The following CADPS variants were observed in gnomAD, a reference collection of about 807,000 sequenced individuals.
CADPS encodes the protein calcium dependent secretion activator, also known as calcium-dependent secretion activator 1.
In CADPS, 57 loss-of-function variants were observed where a neutral mutation model predicts 167.3. That is an observed-to-expected ratio of 0.34 (90% CI 0.28 to 0.42). The LOEUF (loss-of-function observed/expected upper bound fraction) is 0.42. Ranked by LOEUF, CADPS falls within the 20% of genes least tolerant of loss-of-function variation. The pLI, the probability that CADPS is intolerant of heterozygous loss-of-function variation, is 1.00. For missense variants in CADPS, 1,414 were observed against 1,738.1 expected, an observed-to-expected ratio of 0.81 and a Z score of 3.32; for synonymous variants, 676 against 635.3, an observed-to-expected ratio of 1.06 and a Z score of -0.96.
rs60942307 is a variant in CADPS, at chr3:62,748,344, C to CAAAAAAAAAAAAAAAA, written c.888+5081_888+5096dup. On this transcript the variant is annotated intron_variant, in intron 3 of 29. Coordinates refer to ENST00000383710, the MANE Select transcript of CADPS (RefSeq NM_003716.4). The stretch of plus-strand genomic sequence containing the variant: ...CTGGGCGAGAAGCGAGACTCCGTCT[C>CAAAAAAAAAAAAAAAA]AAAAAAAAAAAAAAAAAAAAAAAAA... 3.6e-3 allele frequency among the ~76,000 whole-genome samples: 176 copies of CAAAAAAAAAAAAAAAA among 48,496 alleles called. 7 individuals are homozygous for CAAAAAAAAAAAAAAAA. The highest frequency in any genetic ancestry group is 8.6e-3 in the East Asian group (7 of 812). 31.8% of individuals were successfully genotyped at this position (48,496 alleles called of 152,430 possible).
intron 3 of CADPS, among the ~76,000 whole-genome samples, chr3:62,693,003 G>A (rs1157704139): frequency 6.8e-6 from 1 of 147,324 alleles, no homozygotes; most frequent in Non-Finnish European, 1.5e-5. Context: ...TCCTTCACTG[G>A]TTGTTTTTTC....
intron 6 of CADPS, among the ~76,000 whole-genome samples, chr3:62,612,417 G>C (rs2061626551): frequency 6.6e-6 from 1 of 152,318 alleles, no homozygotes; most frequent in Non-Finnish European, 1.5e-5. Context: ...AGCACACTAA[G>C]AATTTCCTCT....
chr3:62,473,929 C>T (rs890588198), intron 24 of CADPS: 2 of 398,976 alleles, frequency 5.0e-6, no homozygotes, highest in Non-Finnish European at 8.8e-6. Context: ...GCTTAGAGAA[C>T]TATATGGCCA....
At chr3:62,801,454 T>C (rs865991913) in intron 1 of CADPS, among the ~76,000 whole-genome samples, 2 of 152,300 alleles carry the variant, frequency 1.3e-5, no homozygotes, top group Middle Eastern at 3.4e-3. Flanking sequence ...AAAAACATTA[T>C]TTCATGCATA....
At chr3:62,844,939 A>C (rs2077176016) in intron 1 of CADPS, among the ~76,000 whole-genome samples, 1 of 152,208 alleles carries the variant, frequency 6.6e-6, no homozygotes, top group African/African-American at 2.4e-5. Context: ...AGGGTCTTCA[A>C]GAAGGCAGAA....
chr3:62,669,058 C>T (rs1407259865), intron 3 of CADPS, among the ~76,000 whole-genome samples: 1 of 152,146 alleles, frequency 6.6e-6, no homozygotes, highest in African/African-American at 2.4e-5. Flanking sequence ...CTGATTAAAG[C>T]GTTCCTTATT....
chr3:62,464,329 G>A (rs1282949534), intron 26 of CADPS, among the ~76,000 whole-genome samples: 1 of 152,326 alleles, frequency 6.6e-6, no homozygotes. Context: ...GCTGGGCCTT[G>A]TCTTGGCATT....
intron 3 of CADPS, among the ~76,000 whole-genome samples, chr3:62,669,161 G>T (rs986163156): frequency 6.6e-6 from 1 of 152,170 alleles, no homozygotes; most frequent in African/African-American, 2.4e-5. Flanking sequence ...TCGCTACTTT[G>T]CTTTCTCTCT....
intron 26 of CADPS, among the ~76,000 whole-genome samples, chr3:62,447,380 C>G (rs1189331226): frequency 1.3e-5 from 2 of 152,194 alleles, no homozygotes; most frequent in African/African-American, 2.4e-5. Context: ...CCTGGAGTCT[C>G]CTGTTACAGA....
chr3:62,509,471 T>C (rs1194671630), intron 17 of CADPS, among the ~76,000 whole-genome samples: 1 of 152,066 alleles, frequency 6.6e-6, no homozygotes, highest in African/African-American at 2.4e-5. Flanking sequence ...GCTCTATGTG[T>C]TGGTGAGTTT....
At chr3:62,505,051 G>A (rs2066418851) in intron 17 of CADPS, among the ~76,000 whole-genome samples, 1 of 152,180 alleles carries the variant, frequency 6.6e-6, no homozygotes, top group Admixed American at 6.5e-5. Flanking sequence ...TAACTAGCCT[G>A]TAGCAATTTG....
chr3:62,874,036 G>T lies in CADPS; in HGVS notation c.441+553C>A, dbSNP rs1358252052. On this transcript the variant is annotated intron_variant, in intron 1 of 29. Coordinates refer to ENST00000383710, the MANE Select transcript of CADPS (RefSeq NM_003716.4). The surrounding 1 kb of genome is among the most constrained non-coding windows in gnomAD (Gnocchi z 7.1). ...AGAGTCACGGGAAGCTTCGCCTTCT[G>T]GGCTTGCTTTCTCCCGCCTGCCCCT... Among the ~76,000 whole-genome samples the T allele has an allele frequency of 1.3e-5, 2 of 152,228 alleles. No individual in the cohort carries two copies. The highest frequency in any genetic ancestry group is 2.4e-5 in the African/African-American group (1 of 41,472).
chr3:62,651,882 AAGTCAGTTTG>A (rs61651237), intron 4 of CADPS, among the ~76,000 whole-genome samples: 10,247 of 152,218 alleles, frequency 0.067, 413 homozygotes, highest in South Asian at 0.15. Context: ...GAAGCAAGCC[AAGTCAGTTTG>A]ACATTTTTAT....
At chr3:62,551,166 G>A (rs943953370) in intron 10 of CADPS, among the ~76,000 whole-genome samples, 4 of 151,934 alleles carry the variant, frequency 2.6e-5, no homozygotes, top group Admixed American at 2.6e-4. Flanking sequence ...TTTTCCCCAG[G>A]GATATCTGAT....
Position 62,698,325 on chromosome 3 carries a change from C to T in CADPS, c.889-35931G>A, listed in dbSNP as rs114723681. ...CTACATGAGGCATCCAGGACTTGCA[C>T]TTGTCTCTTTGCACTCAAGTTACTT... On this transcript the variant is annotated intron_variant, in intron 3 of 29. Coordinates refer to ENST00000383710, the MANE Select transcript of CADPS (RefSeq NM_003716.4). 8.6e-3 allele frequency among the ~76,000 whole-genome samples: 1,313 copies of T among 152,234 alleles called. 10 individuals carry two copies. The highest frequency in any genetic ancestry group is 0.016 in the Non-Finnish European group (1,057 of 68,014).
chr3:62,725,913 G>T (rs2076665911), intron 3 of CADPS, among the ~76,000 whole-genome samples: 1 of 151,744 alleles, frequency 6.6e-6, no homozygotes, highest in Non-Finnish European at 1.5e-5. Flanking sequence ...GGTAACTGAG[G>T]CATTGAGTCA....
intron 1 of CADPS, among the ~76,000 whole-genome samples, chr3:62,767,883 T>C (rs1170758464): frequency 6.6e-6 from 1 of 152,214 alleles, no homozygotes; most frequent in Non-Finnish European, 1.5e-5. Flanking sequence ...GTAATCAGTA[T>C]TTAAATTATT....
Position 62,455,044 on chromosome 3 carries a change from C to T in CADPS, c.3637-9247G>A, listed in dbSNP as rs1265375726. On this transcript the variant is annotated intron_variant, in intron 26 of 29. Transcript: ENST00000383710. This position sits in a 1 kb window ranked among gnomAD's most constrained non-coding sequence, Gnocchi z 4.4. ...TGATTAGGAGCCGCAGCCTCATTAACGATGAGAATTGTTCTCATCTCCTGT... is the reference window on the plus strand; with the variant it reads ...TGATTAGGAGCCGCAGCCTCATTAATGATGAGAATTGTTCTCATCTCCTGT... Among the ~76,000 whole-genome samples the T allele has an allele frequency of 6.6e-6, 1 of 152,114 alleles. No homozygotes were observed. The highest frequency in any genetic ancestry group is 1.9e-4 in the East Asian group (1 of 5,166).
chr3:62,508,696 CA>C (rs2067142086), intron 17 of CADPS, among the ~76,000 whole-genome samples: 1 of 152,160 alleles, frequency 6.6e-6, no homozygotes, highest in African/African-American at 2.4e-5. Context: ...ACTTATCTCA[CA>C]GGGTCATGGT....
Sources: gnomAD v4.1 joint callset for allele counts (sites outside exome capture counted in the v4.1 genomes callset) on GRCh38, gnomAD v4.1.1 for gene constraint, Gnocchi (gnomAD v3.1) non-coding constraint, MANE v1.5 for transcripts, NCBI Gene and HGNC (gene_info 2026-07-23, HGNC 2026-07-21) for gene names.